The following INSR variants were observed in gnomAD, a reference collection of about 807,000 sequenced individuals.
The protein encoded by INSR is IR.
INSR carries 67 observed loss-of-function variants against 142.6 expected under a neutral mutation model. The observed-to-expected ratio is 0.47, with a 90% confidence interval of 0.39 to 0.58. The LOEUF is 0.58. INSR is among the 20% of genes least tolerant of loss of function. The probability of loss-of-function intolerance (pLI) is 0.00; values close to 1 mark genes in which losing one functional copy is unlikely to be tolerated. For missense variants in INSR, 1,248 were observed against 1,833.2 expected (o/e 0.68, Z 5.83); for synonymous variants, 756 against 743.1 (o/e 1.02, Z -0.28).
chr19:7,121,123 G>A (rs189993265), intron 19 of INSR, among the ~76,000 whole-genome samples: 3 of 151,978 alleles, frequency 2.0e-5, no homozygotes, highest in African/African-American at 7.2e-5. Context: ...TCAGCCTCCT[G>A]AGTAGCTAGG....
At chr19:7,202,155 G>A (rs1027337596) in intron 2 of INSR, among the ~76,000 whole-genome samples, 1 of 152,250 alleles carries the variant, frequency 6.6e-6, no homozygotes, top group African/African-American at 2.4e-5. Flanking sequence ...AACTTGGCTC[G>A]TGCGACTGAG....
chr19:7,188,446 CAGAAGGCT>C (rs1974487490), intron 2 of INSR, among the ~76,000 whole-genome samples: 1 of 149,428 alleles, frequency 6.7e-6, no homozygotes, highest in Non-Finnish European at 1.5e-5. Flanking sequence ...CTCAGCTACT[CAGAAGGCT>C]GAGGCACAAG....
Position 7,163,053 on chromosome 19 carries a change from C to T in INSR, c.2008G>A (p.Glu670Lys), listed in dbSNP as rs1263032915. 25 of 1,613,652 alleles carry T rather than the reference C, an allele frequency of 1.5e-5. 1 individual carries two copies. In the Middle Eastern group the frequency reaches 5.1e-4, roughly 33 times the overall value. Residue 670 changes from glutamate (E) to lysine (K), a missense_variant, in exon 9 of 22, where the codon GAG becomes AAG. By Grantham distance (56) the Glu-to-Lys change is moderately conservative. Transcript: ENST00000302850. Reference protein sequence around the residue: ...ERQAEDSELFELDYCLKGLKL... With the variant: ...ERQAEDSELFKLDYCLKGLKL... ...TCACCTTTGAGGCAATAATCCAGCT[C>T]GAACAGCTCACTGTCTTCCGCCTGC...
At chr19:7,237,837 T>TA (rs1976211095) in intron 2 of INSR, among the ~76,000 whole-genome samples, 1 of 151,498 alleles carries the variant, frequency 6.6e-6, no homozygotes, top group African/African-American at 2.4e-5. Context: ...TAAATAAAAT[T>TA]AAATTAAATT....
chr19:7,131,923 G>A lies in INSR; in HGVS notation c.2842+235C>T, dbSNP rs143699887. Among the ~76,000 whole-genome samples, 375 of 151,540 alleles carry A rather than the reference G, an allele frequency of 2.5e-3. 11 individuals carry two copies. In the East Asian group the frequency reaches 0.06, roughly 24 times the overall value. ...TGAGGTGGGAGAATCACTTGAACCC[G>A]GGAGGCGGAGGCTACAGTGAGCTGA... On this transcript the variant is annotated intron_variant, in intron 14 of 21. Coordinates refer to ENST00000302850, the MANE Select transcript of INSR (RefSeq NM_000208.4).
At chr19:7,124,505 C>T (rs868011707) in intron 17 of INSR, among the ~76,000 whole-genome samples, 6 of 118,392 alleles carry the variant, frequency 5.1e-5, no homozygotes, top group African/African-American at 2.0e-4. Flanking sequence ...TGCCACTGCA[C>T]TCCAGCCTGC....
At position 7,112,712 on chromosome 19, in the gene INSR, G is replaced by A. The variant is rs1447299366; in HGVS notation, c.*4344C>T. 6.6e-6 allele frequency: 1 copy of A among 152,018 alleles called. No homozygotes were observed. The highest frequency in any genetic ancestry group is 1.5e-5 in the Non-Finnish European group (1 of 68,020). 9.4% of individuals were successfully genotyped at this position (152,018 alleles called of 1,614,324 possible). On this transcript the variant is annotated 3_prime_UTR_variant, in exon 22 of 22. Transcript: ENST00000302850. ...AGAAATTTGGCTGGTGGCTGGTTCT[G>A]GACCTTGACTAGTATCAGAAGGTAA...
intron 2 of INSR, among the ~76,000 whole-genome samples, chr19:7,241,520 G>T (rs2145151027): frequency 6.6e-6 from 1 of 152,216 alleles, no homozygotes; most frequent in Admixed American, 6.5e-5. Flanking sequence ...TACTTGGGAG[G>T]CTGAGGCAGG....
At chr19:7,272,820 A>G (rs7409488) in intron 1 of INSR, among the ~76,000 whole-genome samples, 136,558 of 152,190 alleles carry the variant, frequency 0.9, 61,496 homozygotes, top group Non-Finnish European at 0.94. Flanking sequence ...GAACTCAAGC[A>G]ATCCTCCAGT....
intron 14 of INSR, among the ~76,000 whole-genome samples, chr19:7,130,078 G>C (rs1972739943): frequency 6.6e-6 from 1 of 152,130 alleles, no homozygotes; most frequent in South Asian, 2.1e-4. Context: ...CTAGCAACAG[G>C]TGCCAGGCAC....
chr19:7,243,395 G>A (rs557713674), intron 2 of INSR, among the ~76,000 whole-genome samples: 4 of 151,846 alleles, frequency 2.6e-5, no homozygotes, highest in African/African-American at 9.7e-5. Flanking sequence ...ACAGGCGTGC[G>A]CCACCACACC....
At chr19:7,120,940 T>C (rs1972475892) in intron 19 of INSR, among the ~76,000 whole-genome samples, 191 bp from the exon 20 acceptor site, 1 of 151,932 alleles carries the variant, frequency 6.6e-6, no homozygotes, top group Non-Finnish European at 1.5e-5. Flanking sequence ...AGGGGGAAGA[T>C]GGGCTACTGT....
chr19:7,288,414 G>A (rs1167082392), intron 1 of INSR, among the ~76,000 whole-genome samples: 1 of 151,962 alleles, frequency 6.6e-6, no homozygotes, highest in Non-Finnish European at 1.5e-5. Context: ...AAGGCAGGAG[G>A]CTCACTTGAG....
intron 2 of INSR, among the ~76,000 whole-genome samples, chr19:7,217,713 C>T (rs1975479058): frequency 1.3e-5 from 2 of 152,158 alleles, no homozygotes. Flanking sequence ...GAGCCCGCCA[C>T]CACACCTGGC....
intron 2 of INSR, among the ~76,000 whole-genome samples, chr19:7,248,606 G>C (rs1330690393): frequency 2.1e-5 from 3 of 145,210 alleles, no homozygotes; most frequent in African/African-American, 5.1e-5. Flanking sequence ...GGAAAATGAA[G>C]TTATGAGTAA....
At chr19:7,157,914 G>C (rs1973638914) in intron 9 of INSR, among the ~76,000 whole-genome samples, 1 of 151,652 alleles carries the variant, frequency 6.6e-6, no homozygotes, top group African/African-American at 2.4e-5. Flanking sequence ...GCCTATGAGA[G>C]ACTGGAAAAT....
chr19:7,191,852 A>C (rs1422762891), intron 2 of INSR, among the ~76,000 whole-genome samples: 1 of 127,622 alleles, frequency 7.8e-6, no homozygotes, highest in East Asian at 2.2e-4. Context: ...GAGAGAAAAG[A>C]AAGAGAGAGT....
At chr19:7,199,924 G>GA (rs1017102153) in intron 2 of INSR, among the ~76,000 whole-genome samples, 34 of 151,510 alleles carry the variant, frequency 2.2e-4, no homozygotes, top group African/African-American at 9.7e-5. Flanking sequence ...AATCTTGTAG[G>GA]AAAAAAAAAA....
At position 7,168,002 on chromosome 19, in the gene INSR, C is replaced by T; in HGVS notation, c.1576G>A (p.Asp526Asn). Reference protein sequence around the residue: ...WEPYWPPDFRDLLGFMLFYKE... With the variant: ...WEPYWPPDFRNLLGFMLFYKE... ...TAGAACAGCATGAACCCCAAGAGGT[C>T]TCGGAAGTCGGGGGGCCAGTACGGC... Residue 526 changes from aspartate to asparagine, a missense_variant, in exon 7 of 22, where the codon GAC becomes AAC. By Grantham distance (23) the Asp-to-Asn change is conservative. Around this residue, in one of 3 missense-constraint regions of INSR, gnomAD observed 1,069 missense variants for 1,654.0 expected, o/e 0.65. Coordinates refer to ENST00000302850, the MANE Select transcript of INSR (RefSeq NM_000208.4). This position sits in a 1 kb window ranked among gnomAD's most constrained non-coding sequence, Gnocchi z 4.3. 6.2e-7 allele frequency: 1 copy of T among 1,614,110 alleles called. No individual in the cohort carries two copies. Among genetic ancestry groups the T allele is most frequent in the Non-Finnish European group, 8.5e-7 (1 of 1,180,004 alleles).
Sources: gnomAD v4.1 joint callset for allele counts (sites outside exome capture counted in the v4.1 genomes callset) on GRCh38, gnomAD v4.1.1 for gene constraint, gnomAD v4.1.1 regional missense constraint, Gnocchi (gnomAD v3.1) non-coding constraint, MANE v1.5 for transcripts, NCBI Gene and HGNC (gene_info 2026-07-23, HGNC 2026-07-21) for gene names.